The following CDK4 variants were observed in gnomAD, a reference collection of about 807,000 sequenced individuals.
CDK4 encodes cyclin dependent kinase 4.
A neutral mutation model predicts 36.7 loss-of-function variants in CDK4; 13 were observed. The ratio of observed to expected loss-of-function variants is 0.35; its 90% CI spans 0.23 to 0.56. The LOEUF (loss-of-function observed/expected upper bound fraction) is 0.56. Ranked by LOEUF, CDK4 falls within the 20% of genes least tolerant of loss-of-function variation. The pLI is 0.85. For missense variants in CDK4, 285 were observed against 387.3 expected, an observed-to-expected ratio of 0.74 and a Z score of 2.22; for synonymous variants, 158 against 146.4, an observed-to-expected ratio of 1.08 and a Z score of -0.57.
In CDK4 at chr12:57,748,541, T is replaced by G. The variant is rs771234928; in HGVS notation, c.896A>C (p.Glu299Ala). 6.2e-7 allele frequency: 1 copy of G among 1,612,792 alleles called. No individual in the cohort carries two copies. The highest frequency in any genetic ancestry group is 8.5e-7 in the Non-Finnish European group (1 of 1,178,856). ...ALQHSYLHKD[E>A]GNPE is the part of the protein sequence containing the mutation. Reference sequence around the variant, plus strand: ...CTCCATTGCTCACTCCGGATTACCTTCATCCTTATGTAGATAAGAGTGCTG... The same window carrying G: ...CTCCATTGCTCACTCCGGATTACCTGCATCCTTATGTAGATAAGAGTGCTG... The change falls in exon 8 of 8, where the codon GAA (glutamate) becomes GCA (alanine). Residue 299 changes from glutamate to alanine, a missense_variant. By Grantham distance (107) the Glu-to-Ala change is moderately radical (BLOSUM62 -1). Coordinates refer to ENST00000257904, the MANE Select transcript of CDK4 (RefSeq NM_000075.4).
At position 57,748,481 on chromosome 12, in the gene CDK4, G is replaced by T; in HGVS notation, c.*44C>A. ...AGATTGCCCTCTCAGTGTCCAGAAG[G>T]GAAATGGCAGCTTTTCTTCCTTCCA... On this transcript the variant is annotated 3_prime_UTR_variant, in exon 8 of 8. Coordinates refer to ENST00000257904, the MANE Select transcript of CDK4 (RefSeq NM_000075.4). 1 of 1,404,480 alleles carries T rather than the reference G, an allele frequency of 7.1e-7. No individual in the cohort carries two copies. Among genetic ancestry groups the T allele is most frequent in the South Asian group, 1.2e-5 (1 of 86,758 alleles). The allele number at this position is 1,404,480 out of a possible 1,614,324, so 87.0% of individuals were successfully genotyped here.
chr12:57,752,008 C>A, intron 1 of CDK4, 167 bp downstream of exon 1: 1 of 489,274 alleles, frequency 2.0e-6, no homozygotes, highest in Non-Finnish European at 3.7e-6. Context: ...TGCCTTGCAT[C>A]GAAGATCCTA....
In CDK4 at chr12:57,748,322, C is replaced by G. The variant is rs1000870693; in HGVS notation, c.*203G>C. On this transcript the variant is annotated 3_prime_UTR_variant, in exon 8 of 8. Coordinates refer to ENST00000257904, the MANE Select transcript of CDK4 (RefSeq NM_000075.4). ...GAAAGGGACAAGAGGGAACATACCCCTTAGTGTAGAGAAATGGGAAGGAGA... is the reference window on the plus strand; with the variant it reads ...GAAAGGGACAAGAGGGAACATACCCGTTAGTGTAGAGAAATGGGAAGGAGA... The G allele has an allele frequency of 6.4e-6, 4 of 621,826 alleles. No individual in the cohort carries two copies. The highest frequency in any genetic ancestry group is 1.2e-5 in the Non-Finnish European group (4 of 340,408). The allele number at this position is 621,826 out of a possible 1,614,324, so 38.5% of individuals were successfully genotyped here.
At chr12:57,748,948 C>G in intron 7 of CDK4, 1 of 594,200 alleles carries the variant, frequency 1.7e-6, no homozygotes, top group Non-Finnish European at 3.0e-6. Context: ...TCAGGTGATA[C>G]GCCCACCTTG....
intron 5 of CDK4, 146 bp downstream of exon 5, chr12:57,750,510 T>C: frequency 1.4e-6 from 1 of 720,042 alleles, no homozygotes. Context: ...GAAGCTGCAG[T>C]GAGCTGTGAT....
chr12:57,751,133 C>T lies in CDK4; in HGVS notation c.355-43G>A, dbSNP rs377126278. ...GTACAGATGCACTGGAAACTAGGCA[C>T]CATACCTGAAATCCCAGAAGGTTCT... On this transcript the variant is annotated intron_variant, in intron 3 of 7. Coordinates refer to ENST00000257904, the MANE Select transcript of CDK4 (RefSeq NM_000075.4). The surrounding 1 kb of genome is among the most constrained non-coding windows in gnomAD (Gnocchi z 4.5). The T allele has an allele frequency of 6.2e-7, 1 of 1,614,140 alleles. No homozygotes were observed. The highest frequency in any genetic ancestry group is 8.5e-7 in the Non-Finnish European group (1 of 1,180,012).
At position 57,747,907 on chromosome 12, in the gene CDK4, T is replaced by A. The variant is rs1271930470; in HGVS notation, c.*618A>T. 5.4e-6 allele frequency: 1 copy of A among 184,764 alleles called. No homozygotes were observed. Among genetic ancestry groups the A allele is most frequent in the African/African-American group, 2.4e-5 (1 of 42,236 alleles). 11.4% of individuals were successfully genotyped at this position (184,764 alleles called of 1,614,324 possible). A position where few individuals can be genotyped will look rare whatever the true frequency, so the allele number is the denominator to read the frequency against. On this transcript the variant is annotated 3_prime_UTR_variant, in exon 8 of 8. Transcript: ENST00000257904. ...ACAGGTGTGCACCACCACGCCTGAC[T>A]AATTTTGTATTTTTAGTAGAGACAG...
chr12:57,748,679 A>C lies in CDK4; in HGVS notation c.820-62T>G, dbSNP rs777869960. The C allele has an allele frequency of 1.1e-5, 12 of 1,076,720 alleles. No individual in the cohort carries two copies. The Admixed American group carries it at 1.4e-4, about 12-fold the overall frequency. 66.7% of individuals were successfully genotyped at this position (1,076,720 alleles called of 1,614,324 possible). A position where few individuals can be genotyped will look rare whatever the true frequency, so the allele number is the denominator to read the frequency against. Reference sequence around the variant, plus strand: ...AAACAGACTTCTGCCCACCCACAACAATACCTGGGATGAGCTTTCTTCTTT... The same window carrying C: ...AAACAGACTTCTGCCCACCCACAACCATACCTGGGATGAGCTTTCTTCTTT... On this transcript the variant is annotated intron_variant, in intron 7 of 7. Coordinates refer to ENST00000257904, the MANE Select transcript of CDK4 (RefSeq NM_000075.4).
chr12:57,747,877 G>A lies in CDK4; in HGVS notation c.*648C>T. ...CCTGCCTCAGTCTCCCAAGTAGCTG[G>A]GATTACAGGTGTGCACCACCACGCC... On this transcript the variant is annotated 3_prime_UTR_variant, in exon 8 of 8. Transcript: ENST00000257904. 5.6e-6 allele frequency: 1 copy of A among 177,466 alleles called. No homozygotes were observed. Among genetic ancestry groups the A allele is most frequent in the Non-Finnish European group, 1.2e-5 (1 of 82,690 alleles). 11.0% of individuals were successfully genotyped at this position (177,466 alleles called of 1,614,324 possible). A position where few individuals can be genotyped will look rare whatever the true frequency, so the allele number is the denominator to read the frequency against.
At chr12:57,748,975 G>A in intron 7 of CDK4, 1 of 663,930 alleles carries the variant, frequency 1.5e-6, no homozygotes. Context: ...CAAAGTGCTG[G>A]GATTACAGGC....
At chr12:57,749,540 T>C (rs1237075911) in intron 5 of CDK4, 36 bp from the exon 6 acceptor site, 4 of 1,598,538 alleles carry the variant, frequency 2.5e-6, no homozygotes, top group Non-Finnish European at 3.4e-6. Flanking sequence ...GCAGTCATTT[T>C]CAAAGATATC....
Position 57,749,437 on chromosome 12 carries a change from C to A in CDK4, c.683+17G>T, listed in dbSNP as rs2140383710. 1 of 1,613,932 alleles carries A rather than the reference C, an allele frequency of 6.2e-7. No homozygotes were observed. ...ACTCAGAATAGAAAATCTTTTTCTC[C>A]CATGTTGGTCACTTACTCAAAGATT... On this transcript the variant is annotated intron_variant, in intron 6 of 7. Transcript: ENST00000257904.
At chr12:57,748,689 A>T (rs2140381550) in intron 7 of CDK4, 72 bp from the exon 8 acceptor site, 19 of 928,318 alleles carry the variant, frequency 2.0e-5, no homozygotes, top group Middle Eastern at 2.2e-4. Context: ...AATACCTGGG[A>T]TGAGCTTTCT....
chr12:57,750,189 AAATAAAT>A (rs1399792265), intron 5 of CDK4: 4 of 138,906 alleles, frequency 2.9e-5, no homozygotes, highest in African/African-American at 8.1e-5. Context: ...ATAAATAAAT[AAATAAAT>A]AAAAAATAAA....
At position 57,751,436 on chromosome 12, in the gene CDK4, C is replaced by T. The variant is rs2140387905; in HGVS notation, c.218+64G>A. ...GTCCCCACTTCTCTACAGATCATCA[C>T]ACCCCACCTATAGGCTGTCTTTTCC... On this transcript the variant is annotated intron_variant, in intron 2 of 7. Transcript: ENST00000257904. This position sits in a 1 kb window ranked among gnomAD's most constrained non-coding sequence, Gnocchi z 4.5. The T allele has an allele frequency of 1.2e-6, 2 of 1,609,016 alleles. No homozygotes were observed. The highest frequency in any genetic ancestry group is 1.7e-6 in the Non-Finnish European group (2 of 1,175,720).
At position 57,749,128 on chromosome 12, in the gene CDK4, ATTTC is replaced by A. The variant is rs771275227; in HGVS notation, c.819+50_819+53del. ...TGGCCAGGGCCCTGCATACTGCTCT[ATTTC>A]TTTCCCCAGTCTCTATTTCTTTCCC... On this transcript the variant is annotated intron_variant, in intron 7 of 7. Transcript: ENST00000257904. 3 of 1,611,722 alleles carry A rather than the reference ATTTC, an allele frequency of 1.9e-6. No individual in the cohort carries two copies. Among genetic ancestry groups the A allele is most frequent in the Non-Finnish European group, 2.5e-6 (3 of 1,177,918 alleles).
rs143670820 is a variant in CDK4, at chr12:57,749,249, G to A, written c.752C>T (p.Pro251Leu). The stretch of plus-strand genomic sequence containing the variant: ...CGACTGCACTGGGCGGGGCCCTCTG[G>A]GGGGAAAGGCTCCACGGGGCAGGGA... ...DVSLPRGAFP[P>L]RGPRPVQSVV... Residue 251 changes from proline (P) to leucine (L), a missense_variant, in exon 7 of 8, where the codon CCC (proline) becomes CTC (leucine). Coordinates refer to ENST00000257904, the MANE Select transcript of CDK4 (RefSeq NM_000075.4). 9 of 1,614,106 alleles carry A rather than the reference G, an allele frequency of 5.6e-6. No individual in the cohort carries two copies. The highest frequency in any genetic ancestry group is 1.7e-5 in the Admixed American group (1 of 60,016).
chr12:57,749,074 A>ATC, intron 7 of CDK4, 108 bp downstream of exon 7: 1 of 1,390,338 alleles, frequency 7.2e-7, no homozygotes, highest in Non-Finnish European at 1.0e-6. Flanking sequence ...ACTACAGCCC[A>ATC]TCTACCAACC....
chr12:57,751,444 C>G lies in CDK4; in HGVS notation c.218+56G>C, dbSNP rs2140387921. 1 of 1,608,780 alleles carries G rather than the reference C, an allele frequency of 6.2e-7. No individual in the cohort carries two copies. ...TTCTCTACAGATCATCACACCCCAC[C>G]TATAGGCTGTCTTTTCCCTTTACTC... On this transcript the variant is annotated intron_variant, in intron 2 of 7. Coordinates refer to ENST00000257904, the MANE Select transcript of CDK4 (RefSeq NM_000075.4). The surrounding 1 kb of genome is among the most constrained non-coding windows in gnomAD (Gnocchi z 4.5).
Sources: allele counts gnomAD v4.1 joint callset, GRCh38; gene constraint gnomAD v4.1.1; non-coding constraint Gnocchi (gnomAD v3.1); transcripts MANE v1.5; gene names NCBI Gene and HGNC (gene_info 2026-07-23, HGNC 2026-07-21).